The following RGS7BP variants were observed in gnomAD, a reference collection of about 807,000 sequenced individuals.
The protein encoded by RGS7BP is regulator of G protein signaling 7 binding protein.
Under a neutral mutation model 31.3 loss-of-function variants are expected in RGS7BP, and 9 were observed. That is an observed-to-expected ratio of 0.29 (90% CI 0.17 to 0.50). RGS7BP has a LOEUF of 0.50. RGS7BP is among the 20% of genes least tolerant of loss of function. The pLI, the probability that RGS7BP is intolerant of heterozygous loss-of-function variation, is 0.98. For synonymous variants in RGS7BP, 115 were observed against 120.1 expected, an observed-to-expected ratio of 0.96 and a Z score of 0.28; for missense variants, 274 against 322.0, an observed-to-expected ratio of 0.85 and a Z score of 1.14.
intron 2 of RGS7BP, among the ~76,000 whole-genome samples, chr5:64,522,665 G>C: frequency 6.6e-6 from 1 of 152,164 alleles, no homozygotes; most frequent in East Asian, 1.9e-4. Flanking sequence ...CATATCAACT[G>C]TTTCTATATT....
intron 2 of RGS7BP, among the ~76,000 whole-genome samples, chr5:64,534,578 G>A (rs551769904): frequency 3.3e-5 from 5 of 152,150 alleles, no homozygotes; most frequent in South Asian, 2.1e-4. Context: ...GAAACAAGTC[G>A]GTCTGAGTAA....
chr5:64,585,445 G>T (rs1742718257), intron 3 of RGS7BP, among the ~76,000 whole-genome samples: 1 of 151,988 alleles, frequency 6.6e-6, no homozygotes, highest in Non-Finnish European at 1.5e-5. Context: ...AATGGAAGGG[G>T]CAAAGAAAAG....
intron 2 of RGS7BP, among the ~76,000 whole-genome samples, chr5:64,569,291 C>CAA (rs200651739): frequency 2.1e-4 from 31 of 149,576 alleles, no homozygotes; most frequent in African/African-American, 7.3e-4. Flanking sequence ...TCTCTATGAA[C>CAA]AAAAAAAAAC....
intron 2 of RGS7BP, among the ~76,000 whole-genome samples, chr5:64,532,262 A>T (rs1034725909): frequency 6.6e-6 from 1 of 152,022 alleles, no homozygotes; most frequent in Non-Finnish European, 1.5e-5. Context: ...TCTTTTTCTG[A>T]ATAGTGCAAG....
intron 2 of RGS7BP, among the ~76,000 whole-genome samples, chr5:64,544,655 C>T (rs1336530999): frequency 6.6e-6 from 1 of 151,742 alleles, no homozygotes; most frequent in Admixed American, 6.6e-5. Flanking sequence ...GCCGGGGCAA[C>T]CAAGCGAGAC....
At chr5:64,580,624 T>C (rs1281955200) in intron 3 of RGS7BP, among the ~76,000 whole-genome samples, 1 of 151,594 alleles carries the variant, frequency 6.6e-6, no homozygotes, top group East Asian at 1.9e-4. Context: ...TTTAATTTTA[T>C]ATGTCATATC....
chr5:64,569,749 C>T (rs757668565), intron 2 of RGS7BP, among the ~76,000 whole-genome samples: 1 of 152,124 alleles, frequency 6.6e-6, no homozygotes, highest in African/African-American at 2.4e-5. Flanking sequence ...AAATGGAATC[C>T]ATTTGAGAGG....
intron 2 of RGS7BP, among the ~76,000 whole-genome samples, chr5:64,553,171 CTTT>C (rs542252038): frequency 8.5e-6 from 1 of 118,224 alleles, no homozygotes; most frequent in Non-Finnish European, 1.7e-5. Context: ...TTCTTTCTTT[CTTT>C]TTTTTTTTTT....
At chr5:64,591,347 A>G (rs1184992836) in intron 3 of RGS7BP, among the ~76,000 whole-genome samples, 1 of 152,140 alleles carries the variant, frequency 6.6e-6, no homozygotes, top group Non-Finnish European at 1.5e-5. Context: ...TTTAAAAAGA[A>G]AGTAAAAAAC....
chr5:64,538,528 C>CTTTTTTTTTTTTTTTTTTTTTT (rs200275665), intron 2 of RGS7BP, among the ~76,000 whole-genome samples: 1 of 43,064 alleles, frequency 2.3e-5, no homozygotes, highest in Non-Finnish European at 4.5e-5. Flanking sequence ...CTTTTCTTTT[C>CTTTTTTTTTTTTTTTTTTTTTT]TTTTTTTTTT....
intron 2 of RGS7BP, among the ~76,000 whole-genome samples, chr5:64,566,546 A>G (rs111935089): frequency 2.0e-4 from 31 of 152,210 alleles, no homozygotes; most frequent in African/African-American, 4.3e-4. Context: ...GTGCACATGC[A>G]CAGCAGCTAT....
intron 3 of RGS7BP, among the ~76,000 whole-genome samples, chr5:64,577,191 C>A (rs1214781130): frequency 6.6e-6 from 1 of 152,174 alleles, no homozygotes; most frequent in Non-Finnish European, 1.5e-5. Flanking sequence ...GTAATCCCAG[C>A]GCTTTGGGAG....
intron 5 of RGS7BP, 62 bp from the exon 6 acceptor site, chr5:64,609,099 T>C (rs1743437880): frequency 9.5e-7 from 1 of 1,047,878 alleles, no homozygotes; most frequent in African/African-American, 1.6e-5. Context: ...TTAAAGCCAC[T>C]TCCTAAAAAG....
intron 3 of RGS7BP, among the ~76,000 whole-genome samples, chr5:64,594,246 A>T (rs1580464131): frequency 1.3e-5 from 2 of 152,146 alleles, no homozygotes; most frequent in Admixed American, 6.6e-5. Context: ...GCATGCTGAG[A>T]GGGCCAGTGT....
Position 64,507,854 on chromosome 5 carries a change from C to G in RGS7BP, c.309C>G (p.His103Gln). The change falls in exon 2 of 6, where the codon CAC becomes CAG. Residue 103 changes from histidine to glutamine, a missense_variant. Transcript: ENST00000334025. ...TKGCEMARQA[H>Q]QKLAAISGPE... ...GCTGTGAAATGGCCCGTCAGGCACA[C>G]CAAAAATTGGCTGCCATCTCAGGGT... 2 of 1,613,216 alleles carry G rather than the reference C, an allele frequency of 1.2e-6. No individual in the cohort carries two copies. Among genetic ancestry groups the G allele is most frequent in the Non-Finnish European group, 1.7e-6 (2 of 1,179,670 alleles).
intron 5 of RGS7BP, among the ~76,000 whole-genome samples, chr5:64,602,501 C>T (rs1743244841): frequency 6.6e-6 from 1 of 152,188 alleles, no homozygotes; most frequent in African/African-American, 2.4e-5. Context: ...GCCTTTGTCC[C>T]CATCCTCATC....
intron 2 of RGS7BP, among the ~76,000 whole-genome samples, chr5:64,511,571 G>C (rs541683796): frequency 2.1e-4 from 32 of 152,292 alleles, no homozygotes; most frequent in Admixed American, 4.6e-4. Context: ...GTGTGTGTAT[G>C]TGTCCACGTG....
chr5:64,586,355 T>C (rs1742751804), intron 3 of RGS7BP, among the ~76,000 whole-genome samples: 1 of 152,160 alleles, frequency 6.6e-6, no homozygotes, highest in African/African-American at 2.4e-5. Context: ...TTGAATCATC[T>C]TGAACTACTT....
At chr5:64,554,138 C>T (rs754614830) in intron 2 of RGS7BP, among the ~76,000 whole-genome samples, 2 of 152,126 alleles carry the variant, frequency 1.3e-5, no homozygotes, top group Admixed American at 1.3e-4. Flanking sequence ...CTTGGTCAAT[C>T]GGGAACTCTG....
Sources: allele counts gnomAD v4.1 joint callset (sites outside exome capture counted in the v4.1 genomes callset), GRCh38; gene constraint gnomAD v4.1.1; transcripts MANE v1.5; gene names NCBI Gene and HGNC (gene_info 2026-07-23, HGNC 2026-07-21).